The following TOP2A variants were observed in gnomAD, a reference collection of about 807,000 sequenced individuals.
The protein encoded by TOP2A is DNA topoisomerase 2-alpha.
Under a neutral mutation model 187.2 loss-of-function variants are expected in TOP2A, and 68 were observed. That is an observed-to-expected ratio of 0.36 (90% CI 0.30 to 0.44). The LOEUF (loss-of-function observed/expected upper bound fraction) is 0.44. Among genes scored for constraint, TOP2A ranks in the 20% least tolerant of loss-of-function variants. The pLI is 1.00. For missense variants in TOP2A, 1,196 were observed against 1,808.7 expected (o/e 0.66, Z 6.14); for synonymous variants, 542 against 593.2 (o/e 0.91, Z 1.25).
Position 40,411,185 on chromosome 17 carries a change from TGA to T in TOP2A, c.1125_1126del (p.Gln376AspfsTer20). On this transcript the variant is annotated frameshift_variant, in exon 10 of 35. Coordinates refer to ENST00000423485, the MANE Select transcript of TOP2A (RefSeq NM_001067.4). LOFTEE classifies it high-confidence loss of function. The surrounding 1 kb of genome is among the most constrained non-coding windows in gnomAD (Gnocchi z 4.4). ...TTGTAAAGTCATGTTTTCTTTTGTCTGAGAGTCAAAGGTTGGGTTTTCAATTA... is the reference window on the plus strand; with the variant it reads ...TTGTAAAGTCATGTTTTCTTTTGTCTGAGTCAAAGGTTGGGTTTTCAATTA... 1 of 1,613,600 alleles carries T rather than the reference TGA, an allele frequency of 6.2e-7. No homozygotes were observed. The highest frequency in any genetic ancestry group is 8.5e-7 in the Non-Finnish European group (1 of 1,179,750).
Position 40,417,888 on chromosome 17 carries a change from G to C in TOP2A, c.-97C>G, listed in dbSNP as rs1303847236. The C allele has an allele frequency of 5.2e-6, 8 of 1,551,366 alleles. No homozygotes were observed. The East Asian group carries it at 1.4e-4, about 27-fold the overall frequency. ...GACCAAGCCGCTTCTCCACAGACGC[G>C]CGTCGGTTAGGAGAGCTCCACTTGA... On this transcript the variant is annotated 5_prime_UTR_variant, in exon 1 of 35. Transcript: ENST00000423485.
chr17:40,416,832 ACAGT>A lies in TOP2A; in HGVS notation c.81_84del (p.Arg27SerfsTer29). 6.2e-7 allele frequency: 1 copy of A among 1,613,038 alleles called. No individual in the cohort carries two copies. Among genetic ancestry groups the A allele is most frequent in the Non-Finnish European group, 8.5e-7 (1 of 1,179,484 alleles). ...TTCTTTTGATAGATTCTTTCAACAG[ACAGT>A]CTTTTCTTAGCATCTTCATTTTTCT... is the stretch of plus-strand genomic sequence containing the variant. On this transcript the variant is annotated frameshift_variant, in exon 2 of 35. Transcript: ENST00000423485. LOFTEE classifies it high-confidence loss of function.
At position 40,399,018 on chromosome 17, in the gene TOP2A, G is replaced by A. The variant is rs1186629094; in HGVS notation, c.3288+22C>T. 1.9e-6 allele frequency: 3 copies of A among 1,591,974 alleles called. No individual in the cohort carries two copies. In the African/African-American group the frequency reaches 4.0e-5, roughly 21 times the overall value. On this transcript the variant is annotated intron_variant, in intron 25 of 34. Transcript: ENST00000423485. ...ACAATACATAGTCTTTAACAATATA[G>A]AAAAGTGCCACCCAAGATTACCTTT...
chr17:40,416,539 T>TA, intron 2 of TOP2A, 27 bp from the exon 3 acceptor site: 1 of 1,516,672 alleles, frequency 6.6e-7, no homozygotes, highest in Non-Finnish European at 9.1e-7. Context: ...GAAATACTGT[T>TA]ATTTTTATTC....
chr17:40,400,385 G>C lies in TOP2A; in HGVS notation c.2824C>G (p.Pro942Ala). The stretch of plus-strand genomic sequence containing the variant: ...GTCTTCTCGGTGCCATTCAACATGG[G>C]TTCTAGAACTTGTTCTTTGTATGTC... ...TQTYKEQVLE[P>A]MLNGTEKTPP... Residue 942 changes from proline (P) to alanine (A), a missense_variant, in exon 23 of 35, where the codon CCC becomes GCC. Physicochemically the swap from Pro to Ala is conservative, Grantham distance 27. Around this residue, in one of 10 missense-constraint regions of TOP2A, gnomAD observed 232 missense variants for 306.1 expected, o/e 0.76. Coordinates refer to ENST00000423485, the MANE Select transcript of TOP2A (RefSeq NM_001067.4). 6.2e-7 allele frequency: 1 copy of C among 1,613,240 alleles called. No homozygotes were observed. Among genetic ancestry groups the C allele is most frequent in the South Asian group, 1.1e-5 (1 of 91,052 alleles).
chr17:40,398,140 G>A lies in TOP2A; in HGVS notation c.3537+418C>T, dbSNP rs181501757. On this transcript the variant is annotated intron_variant, in intron 27 of 34. Transcript: ENST00000423485. Reference sequence around the variant, plus strand: ...TTTTTTTTTTTTTTTTTGAGACGGAGTCTTGCTGTGTTGCCTAGGCTGGAG... The same window carrying A: ...TTTTTTTTTTTTTTTTTGAGACGGAATCTTGCTGTGTTGCCTAGGCTGGAG... Among the ~76,000 whole-genome samples the A allele has an allele frequency of 4.3e-3, 544 of 127,574 alleles. 3 individuals carry two copies. Among genetic ancestry groups the A allele is most frequent in the Admixed American group, 0.012 (154 of 12,402 alleles). The allele number at this position is 127,574 out of a possible 152,430, so 83.7% of individuals were successfully genotyped here.
At chr17:40,407,281 G>A (rs957475848) in intron 13 of TOP2A, among the ~76,000 whole-genome samples, 8 of 151,984 alleles carry the variant, frequency 5.3e-5, no homozygotes, top group Non-Finnish European at 1.2e-4. Context: ...ACAAAGAATT[G>A]TTTAGAAATA....
At chr17:40,412,625 C>G (rs2035336374) in intron 7 of TOP2A, 134 bp downstream of exon 7, 2 of 741,892 alleles carry the variant, frequency 2.7e-6, no homozygotes, top group African/African-American at 1.8e-5. Context: ...GCCCGGGCAA[C>G]AGTGTGAGAC....
chr17:40,392,167 C>T (rs2035030891), intron 31 of TOP2A, 51 bp downstream of exon 31: 2 of 1,610,476 alleles, frequency 1.2e-6, no homozygotes, highest in Non-Finnish European at 1.7e-6. Context: ...AAGCAAAAAA[C>T]AATATATTAG....
rs34089833 is a variant in TOP2A at position 40,394,065 on chromosome 17, CAA to C, written c.3812-1330_3812-1329del. On this transcript the variant is annotated intron_variant, in intron 29 of 34. Transcript: ENST00000423485. ...TGGGCGACAGAGCGAAACTCTGCCT[CAA>C]AAAAAAAAAAAAAAAAAGAATGAAG... 5.9e-3 allele frequency among the ~76,000 whole-genome samples: 642 copies of C among 108,600 alleles called. 4 individuals are homozygous for C. Among genetic ancestry groups the C allele is most frequent in the African/African-American group, 0.016 (452 of 28,754 alleles). The allele number at this position is 108,600 out of a possible 152,430, so 71.2% of individuals were successfully genotyped here.
At chr17:40,405,436 C>T (rs2035228562) in intron 16 of TOP2A, among the ~76,000 whole-genome samples, 1 of 149,402 alleles carries the variant, frequency 6.7e-6, no homozygotes, top group Non-Finnish European at 1.5e-5. Context: ...CTGGTGTGAG[C>T]CACTGCGCCC....
At position 40,389,471 on chromosome 17, in the gene TOP2A, C is replaced by T. The variant is rs1286747859; in HGVS notation, c.*48G>A. ...TAAGAGCTTCAGGTAACTTTAAAAC[C>T]AGTCTTGGGCTTGGTAAGATAATTA... On this transcript the variant is annotated 3_prime_UTR_variant, in exon 35 of 35. Transcript: ENST00000423485. 3 of 1,543,998 alleles carry T rather than the reference C, an allele frequency of 1.9e-6. No homozygotes were observed. The highest frequency in any genetic ancestry group is 4.1e-5 in the Admixed American group (2 of 49,256).
Position 40,407,668 on chromosome 17 carries a change from CCA to C in TOP2A, c.1505_1506del (p.Met502ArgfsTer4). The C allele has an allele frequency of 1.3e-6, 2 of 1,574,974 alleles. No individual in the cohort carries two copies. The highest frequency in any genetic ancestry group is 1.7e-6 in the Non-Finnish European group (2 of 1,167,570). On this transcript the variant is annotated frameshift_variant, in exon 13 of 35. Coordinates refer to ENST00000423485, the MANE Select transcript of TOP2A (RefSeq NM_001067.4). LOFTEE classifies it high-confidence loss of function. ...ATGATATTGTTAATCTCAGCATTTT[CCA>C]TGATCTGAAATGGACATATACCAAA... Reference protein sequence around the residue: ...NVREASHKQIMENAEINNIIK... With the variant: ...NVREASHKQIXENAEINNIIK...
chr17:40,417,740 C>A, intron 1 of TOP2A, 31 bp downstream of exon 1: 1 of 1,612,126 alleles, frequency 6.2e-7, no homozygotes, highest in Non-Finnish European at 8.5e-7. Context: ...CGCGCGGAGG[C>A]TCCACCGCCA....
chr17:40,392,651 C>A lies in TOP2A; in HGVS notation c.3898G>T (p.Asp1300Tyr). Residue 1300 changes from aspartate to tyrosine, a missense_variant, in exon 30 of 35, where the codon GAT (aspartate) becomes TAT (tyrosine). This residue lies in a region of TOP2A where 374 missense variants were observed against 403.3 expected (regional missense o/e 0.93). Coordinates refer to ENST00000423485, the MANE Select transcript of TOP2A (RefSeq NM_001067.4). ...AAATTACTTTCGTCACTGCTCCTAT[C>A]TGATTCTGAATCAGACCAGGGATTT... is the stretch of plus-strand genomic sequence containing the variant. Reference protein sequence around the residue: ...KRNPWSDSESDRSSDESNFDV... With the variant: ...KRNPWSDSESYRSSDESNFDV... 1 of 1,613,636 alleles carries A rather than the reference C, an allele frequency of 6.2e-7. No homozygotes were observed. Among genetic ancestry groups the A allele is most frequent in the South Asian group, 1.1e-5 (1 of 91,064 alleles).
intron 5 of TOP2A, 37 bp from the exon 6 acceptor site, chr17:40,413,329 C>G (rs1321907850): frequency 6.6e-7 from 1 of 1,505,522 alleles, no homozygotes; most frequent in Non-Finnish European, 9.0e-7. Context: ...TTTATTGTTA[C>G]TATCTCATTG....
At chr17:40,397,387 G>C (rs2035114825) in intron 27 of TOP2A, among the ~76,000 whole-genome samples, 1 of 150,896 alleles carries the variant, frequency 6.6e-6, no homozygotes, top group East Asian at 1.9e-4. Context: ...CTGGGTTCAA[G>C]CAATTTTCTT....
At chr17:40,416,127 A>G in intron 3 of TOP2A, 59 bp from the exon 4 acceptor site, 2 of 1,287,374 alleles carry the variant, frequency 1.6e-6, no homozygotes, top group South Asian at 2.6e-5. Context: ...ACATTCTGTA[A>G]CTCTAAGTAA....
rs779996659 is a variant in TOP2A, at chr17:40,399,077, G to A, written c.3251C>T (p.Ser1084Leu). ...IKVLIQRGYD[S>L]DPVKAWKEAQ... ...TTCTTTCCAGGCCTTCACAGGATCC[G>A]AATCATATCCCCTCTGAATCAGAAC... Residue 1084 changes from serine to leucine, a missense_variant, in exon 25 of 35, where the codon TCG becomes TTG. Physicochemically the swap from Ser to Leu is moderately radical, Grantham distance 145. This residue lies in a region of TOP2A where 232 missense variants were observed against 306.1 expected (regional missense o/e 0.76). Transcript: ENST00000423485. 30 of 1,588,044 alleles carry A rather than the reference G, an allele frequency of 1.9e-5. No individual in the cohort carries two copies. The highest frequency in any genetic ancestry group is 1.7e-4 in the Middle Eastern group (1 of 6,056).
Sources: gnomAD v4.1 joint callset for allele counts (sites outside exome capture counted in the v4.1 genomes callset) on GRCh38, gnomAD v4.1.1 for gene constraint, gnomAD v4.1.1 regional missense constraint, Gnocchi (gnomAD v3.1) non-coding constraint, MANE v1.5 for transcripts, NCBI Gene and HGNC (gene_info 2026-07-23, HGNC 2026-07-21) for gene names.